WDPCP: variants seen among roughly 807,000 people sequenced by gnomAD.
The protein encoded by WDPCP is WD repeat-containing and planar cell polarity effector protein fritz homolog.
A neutral mutation model predicts 93.1 loss-of-function variants in WDPCP; 71 were observed. The ratio of observed to expected loss-of-function variants is 0.76; its 90% confidence interval spans 0.63 to 0.93. The LOEUF (loss-of-function observed/expected upper bound fraction) is 0.93. WDPCP is among the 40% of genes least tolerant of loss of function. The probability of loss-of-function intolerance (pLI) is 0.00; values close to 1 mark genes in which losing one functional copy is unlikely to be tolerated. For missense variants in WDPCP, 844 were observed against 887.4 expected (o/e 0.95, Z 0.62); for synonymous variants, 315 against 315.0 (o/e 1.00, Z 0.00).
chr2:63,420,212 G>A (rs1402140587), intron 9 of WDPCP, among the ~76,000 whole-genome samples: 1 of 151,828 alleles, frequency 6.6e-6, no homozygotes, highest in Non-Finnish European at 1.5e-5. Flanking sequence ...CTATCCTTTT[G>A]CTTCATTTCT....
intron 2 of WDPCP, among the ~76,000 whole-genome samples, chr2:63,700,517 A>C (rs767648020): frequency 2.9e-4 from 44 of 152,142 alleles, no homozygotes; most frequent in Non-Finnish European, 1.0e-4. Context: ...TATGCCTGTC[A>C]TTGTAATTTA....
At chr2:63,326,371 T>G (rs941501578) in intron 12 of WDPCP, among the ~76,000 whole-genome samples, 1 of 152,160 alleles carries the variant, frequency 6.6e-6, no homozygotes, top group Non-Finnish European at 1.5e-5. Flanking sequence ...GAGAGTGGGA[T>G]GCAAAGGGCA....
chr2:63,402,361 T>C (rs1694219566), intron 10 of WDPCP, among the ~76,000 whole-genome samples: 1 of 152,116 alleles, frequency 6.6e-6, no homozygotes, highest in African/African-American at 2.4e-5. Context: ...AAATACCTAA[T>C]GCATGCAGGG....
intron 13 of WDPCP, among the ~76,000 whole-genome samples, chr2:63,290,169 T>C (rs1402971453): frequency 6.6e-6 from 1 of 152,012 alleles, no homozygotes; most frequent in Admixed American, 6.5e-5. Flanking sequence ...CTGTCTTCTT[T>C]TGGATTGAAT....
chr2:63,792,081 T>A (rs1353692735), intron 2 of WDPCP, among the ~76,000 whole-genome samples: 1 of 152,132 alleles, frequency 6.6e-6, no homozygotes, highest in Non-Finnish European at 1.5e-5. Flanking sequence ...TGAAAAAGAA[T>A]CAGTAAATAG....
chr2:63,626,994 A>G (rs1709817366), intron 3 of WDPCP, among the ~76,000 whole-genome samples: 2 of 151,916 alleles, frequency 1.3e-5, no homozygotes, highest in African/African-American at 4.8e-5. Flanking sequence ...AAAAAGCCCA[A>G]GAGAATAAAA....
chr2:63,546,372 G>T (rs1204352790), intron 1 of WDPCP, among the ~76,000 whole-genome samples: 1 of 152,104 alleles, frequency 6.6e-6, no homozygotes, highest in African/African-American at 2.4e-5. Flanking sequence ...TCAAGGTAGG[G>T]GATCTAATAG....
chr2:63,600,109 A>C (rs1709391703), intron 3 of WDPCP: 1 of 100,142 alleles, frequency 1.0e-5, no homozygotes, highest in Non-Finnish European at 2.6e-5. Flanking sequence ...CTTTAGTTTC[A>C]AAAAAAAATT....
chr2:63,780,660 C>T (rs1316093053), intron 2 of WDPCP, among the ~76,000 whole-genome samples: 1 of 152,114 alleles, frequency 6.6e-6, no homozygotes, highest in East Asian at 1.9e-4. Flanking sequence ...TTTAATCAGC[C>T]CACACGGTCT....
intron 2 of WDPCP, among the ~76,000 whole-genome samples, chr2:63,705,185 C>G (rs1163330735): frequency 6.6e-6 from 1 of 152,034 alleles, no homozygotes; most frequent in Non-Finnish European, 1.5e-5. Flanking sequence ...TGATTCTTCT[C>G]TCTTTTCTTC....
intron 13 of WDPCP, among the ~76,000 whole-genome samples, chr2:63,307,568 C>T (rs1685838604): frequency 6.6e-6 from 1 of 152,256 alleles, no homozygotes; most frequent in South Asian, 2.1e-4. Context: ...ACAGAGGCCT[C>T]AGAAATAATG....
At chr2:63,259,750 A>T (rs1326594143) in intron 13 of WDPCP, among the ~76,000 whole-genome samples, 2 of 152,164 alleles carry the variant, frequency 1.3e-5, no homozygotes, top group African/African-American at 4.8e-5. Flanking sequence ...GTGTCTTCAA[A>T]TTTTAATTGT....
intron 1 of WDPCP, among the ~76,000 whole-genome samples, chr2:63,561,208 G>C (rs11688997): frequency 0.19 from 29,509 of 152,186 alleles, 3,057 homozygotes; most frequent in Middle Eastern, 0.28. Flanking sequence ...GCCAGGCACG[G>C]TGGCTCACGC....
At chr2:63,719,285 G>A (rs1458978343) in intron 2 of WDPCP, among the ~76,000 whole-genome samples, 4 of 152,160 alleles carry the variant, frequency 2.6e-5, no homozygotes, top group African/African-American at 9.7e-5. Context: ...AGCCATAGAG[G>A]ATGGCAGCCA....
At chr2:63,666,194 T>G (rs922786479) in intron 2 of WDPCP, among the ~76,000 whole-genome samples, 1 of 152,220 alleles carries the variant, frequency 6.6e-6, no homozygotes, top group Non-Finnish European at 1.5e-5. Context: ...ATTTTTTCAT[T>G]CCTTGAAAAT....
chr2:63,653,985 A>G (rs1230767075), intron 2 of WDPCP, among the ~76,000 whole-genome samples: 1 of 152,042 alleles, frequency 6.6e-6, no homozygotes, highest in Non-Finnish European at 1.5e-5. Flanking sequence ...AAATCAGTTG[A>G]TAGAAACAGA....
intron 10 of WDPCP, among the ~76,000 whole-genome samples, chr2:63,399,461 T>C (rs1693981586): frequency 6.6e-6 from 1 of 152,068 alleles, no homozygotes; most frequent in Non-Finnish European, 1.5e-5. Context: ...CTGTGCTTTT[T>C]GCAAAGCTGT....
At chr2:63,622,723 C>A (rs1709759448) in intron 3 of WDPCP, 5 of 1,613,168 alleles carry the variant, frequency 3.1e-6, no homozygotes, top group East Asian at 4.5e-5. Flanking sequence ...ACTATGTCTT[C>A]CGTCAAGACA....
intron 1 of WDPCP, among the ~76,000 whole-genome samples, chr2:63,567,037 G>A (rs919652102): frequency 6.6e-6 from 1 of 152,178 alleles, no homozygotes; most frequent in African/African-American, 2.4e-5. Context: ...TGGGGAGAAA[G>A]GTTAGGACAG....
Sources: gnomAD v4.1 joint callset for allele counts (sites outside exome capture counted in the v4.1 genomes callset) on GRCh38, gnomAD v4.1.1 for gene constraint, MANE v1.5 for transcripts, NCBI Gene and HGNC (gene_info 2026-07-23, HGNC 2026-07-21) for gene names.